ABTB3: variants seen among roughly 807,000 people sequenced by gnomAD.
ABTB3 encodes the protein ankyrin repeat and BTB domain containing 3.
At chr12:107,511,093 C>G in the ABTB3 span, among the ~76,000 whole-genome samples, 1 of 152,212 alleles carries the variant, frequency 6.6e-6, no homozygotes, top group South Asian at 2.1e-4. Context: ...CCAAGAAACC[C>G]CCAGGAGAGT....
At chr12:107,573,974 C>T in the ABTB3 span, among the ~76,000 whole-genome samples, 1,194 of 152,328 alleles carry the variant, frequency 7.8e-3, 11 homozygotes, top group South Asian at 0.025. Flanking sequence ...AAATTAACAT[C>T]ACAAGGTGTC....
the ABTB3 span, among the ~76,000 whole-genome samples, chr12:107,482,929 T>C: frequency 9.9e-5 from 2 of 20,140 alleles, no homozygotes; most frequent in Non-Finnish European, 1.8e-4. Flanking sequence ...TCTTTCTTTC[T>C]TTCTTTCTTT....
the ABTB3 span, among the ~76,000 whole-genome samples, chr12:107,537,368 A>ACTAG: frequency 6.6e-6 from 1 of 152,208 alleles, no homozygotes; most frequent in South Asian, 2.1e-4. Flanking sequence ...GAAAGCTAGA[A>ACTAG]GAGAGGATTT....
chr12:107,410,019 C>T, the ABTB3 span, among the ~76,000 whole-genome samples: 39 of 152,180 alleles, frequency 2.6e-4, no homozygotes, highest in African/African-American at 8.9e-4. Flanking sequence ...CAACTGAACA[C>T]GTTGCATACC....
At chr12:107,320,743 A>T in the ABTB3 span, 1 of 452,936 alleles carries the variant, frequency 2.2e-6, no homozygotes, top group Admixed American at 2.4e-5. Flanking sequence ...GGGATGGACA[A>T]AGCCCCCAAT....
chr12:107,377,027 C>T, the ABTB3 span, among the ~76,000 whole-genome samples: 2 of 152,154 alleles, frequency 1.3e-5, no homozygotes, highest in South Asian at 4.1e-4. Flanking sequence ...TGGAGATGCA[C>T]TGCTCAGATA....
At chr12:107,564,420 C>T in the ABTB3 span, among the ~76,000 whole-genome samples, 3 of 152,278 alleles carry the variant, frequency 2.0e-5, no homozygotes, top group Middle Eastern at 3.4e-3. Flanking sequence ...GGTGCAGCTT[C>T]GCATTATTTA....
the ABTB3 span, among the ~76,000 whole-genome samples, chr12:107,364,098 C>T: frequency 6.6e-6 from 1 of 152,142 alleles, no homozygotes; most frequent in South Asian, 2.1e-4. Context: ...CCAATGTGTA[C>T]TTGTCACTCA....
the ABTB3 span, among the ~76,000 whole-genome samples, chr12:107,421,134 G>C: frequency 6.6e-6 from 1 of 152,180 alleles, no homozygotes; most frequent in Non-Finnish European, 1.5e-5. Flanking sequence ...GTCTCCAAGA[G>C]AAGGTGCAAG....
At chr12:107,608,395 T>C in the ABTB3 span, among the ~76,000 whole-genome samples, 1 of 152,192 alleles carries the variant, frequency 6.6e-6, no homozygotes, top group Admixed American at 6.5e-5. Flanking sequence ...TTTGAAGCCT[T>C]AAGGACTACG....
the ABTB3 span, among the ~76,000 whole-genome samples, chr12:107,401,032 C>T: frequency 5.9e-5 from 9 of 152,336 alleles, no homozygotes; most frequent in Non-Finnish European, 8.8e-5. Flanking sequence ...TCCACATTCA[C>T]ATGCAGGACC....
the ABTB3 span, among the ~76,000 whole-genome samples, chr12:107,405,532 A>T: frequency 6.6e-6 from 1 of 152,228 alleles, no homozygotes; most frequent in African/African-American, 2.4e-5. Flanking sequence ...CAGGCAAGGG[A>T]TCAGAGCTGG....
chr12:107,336,453 C>G, the ABTB3 span, among the ~76,000 whole-genome samples: 4 of 125,106 alleles, frequency 3.2e-5, no homozygotes, highest in Non-Finnish European at 6.3e-5. Context: ...TCACCTTGGG[C>G]CAGTTCTCTC....
At chr12:107,516,735 G>C in the ABTB3 span, among the ~76,000 whole-genome samples, 408 of 152,326 alleles carry the variant, frequency 2.7e-3, no homozygotes, top group African/African-American at 9.5e-3. Context: ...CATCTTCAAA[G>C]GAGGAGCCTT....
chr12:107,474,313 C>T, the ABTB3 span, among the ~76,000 whole-genome samples: 5 of 152,096 alleles, frequency 3.3e-5, no homozygotes, highest in African/African-American at 9.7e-5. Context: ...CTGCCACCGC[C>T]GAGAGCCACC....
chr12:107,442,298 A>C, the ABTB3 span, among the ~76,000 whole-genome samples: 1 of 152,336 alleles, frequency 6.6e-6, no homozygotes, highest in South Asian at 2.1e-4. Context: ...GGGTCCTATT[A>C]GAATTTTAAT....
the ABTB3 span, among the ~76,000 whole-genome samples, chr12:107,541,917 G>A: frequency 7.6e-6 from 1 of 131,246 alleles, no homozygotes; most frequent in Non-Finnish European, 1.6e-5. Flanking sequence ...TAAAATAAAA[G>A]TTGGAAAGAA....
At chr12:107,637,743 A>G in the ABTB3 span, among the ~76,000 whole-genome samples, 1 of 151,430 alleles carries the variant, frequency 6.6e-6, no homozygotes, top group Non-Finnish European at 1.5e-5. Flanking sequence ...GCGCTAGACA[A>G]TAGGGAGTGG....
chr12:107,527,552 G>A, the ABTB3 span, among the ~76,000 whole-genome samples: 14 of 151,606 alleles, frequency 9.2e-5, no homozygotes, highest in Non-Finnish European at 2.9e-5. Context: ...GATTACAGGC[G>A]TGAGCCATGG....
Sources: allele counts gnomAD v4.1 joint callset (sites outside exome capture counted in the v4.1 genomes callset), GRCh38; gene constraint gnomAD v4.1.1; transcripts MANE v1.5; gene names NCBI Gene and HGNC (gene_info 2026-07-23, HGNC 2026-07-21).